The following KANSL3 variants were observed in gnomAD, a reference collection of about 807,000 sequenced individuals.
The protein encoded by KANSL3 is NSL complex protein NSL3.
Under a neutral mutation model 89.2 loss-of-function variants are expected in KANSL3, and 16 were observed. The observed-to-expected ratio is 0.18, with a 90% CI of 0.12 to 0.27. The LOEUF (loss-of-function observed/expected upper bound fraction) is 0.27. Among genes scored for constraint, KANSL3 ranks in the 10% least tolerant of loss-of-function variants. The pLI is 1.00. For synonymous variants in KANSL3, 385 were observed against 419.7 expected, an observed-to-expected ratio of 0.92 and a Z score of 1.01; for missense variants, 879 against 1,110.6, an observed-to-expected ratio of 0.79 and a Z score of 2.96.
At chr2:96,596,306 C>T (rs1382790547) in intron 20 of KANSL3, among the ~76,000 whole-genome samples, 1 of 152,214 alleles carries the variant, frequency 6.6e-6, no homozygotes, top group Admixed American at 6.5e-5. Flanking sequence ...GCCTATAATC[C>T]CAACACTTTG....
At chr2:96,595,718 C>T (rs1360526086) in intron 20 of KANSL3, 87 bp from the exon 21 acceptor site, 1 of 1,410,588 alleles carries the variant, frequency 7.1e-7, no homozygotes, top group Non-Finnish European at 9.8e-7. Flanking sequence ...ATCCCAACTC[C>T]TGAGAATTTA....
At chr2:96,588,260 A>C (rs902860968), downstream of KANSL3, among the ~76,000 whole-genome samples, 2 of 152,198 alleles carry the variant, frequency 1.3e-5, no homozygotes, top group Non-Finnish European at 2.9e-5. Flanking sequence ...CAAAGAAACA[A>C]CACCTTATCT....
Position 96,609,580 on chromosome 2 carries a change from T to A in KANSL3, c.1320-18A>T. On this transcript the variant is annotated intron_variant, in intron 11 of 20. Coordinates refer to ENST00000431828, the MANE Select transcript of KANSL3 (RefSeq NM_001115016.3). ...TGCTTATTCTAAGAAACAAAAAGGA[T>A]GACATGTTTACTTCTTACACATTGC... is the stretch of plus-strand genomic sequence containing the variant. The A allele has an allele frequency of 6.2e-7, 1 of 1,604,628 alleles. No individual in the cohort carries two copies. Among genetic ancestry groups the A allele is most frequent in the Non-Finnish European group, 8.5e-7 (1 of 1,171,346 alleles).
chr2:96,600,225 TAAATA>T (rs1272105459), intron 20 of KANSL3, among the ~76,000 whole-genome samples: 2 of 152,038 alleles, frequency 1.3e-5, no homozygotes, highest in African/African-American at 4.8e-5. Flanking sequence ...TTGTACAAAA[TAAATA>T]AAATAACATA....
intron 2 of KANSL3, chr2:96,634,182 G>A (rs2106254031): frequency 6.6e-6 from 1 of 152,332 alleles, no homozygotes; most frequent in South Asian, 2.1e-4. Flanking sequence ...ACAGAGCCTA[G>A]AACAGAAACA....
rs540948061 is a variant in KANSL3 at position 96,613,765 on chromosome 2, T to C, written c.664-146A>G. On this transcript the variant is annotated intron_variant, in intron 5 of 20. Coordinates refer to ENST00000431828, the MANE Select transcript of KANSL3 (RefSeq NM_001115016.3). ...GAAAACCTCCTAAGGATCAAGAATA[T>C]ATATAAATAAGCGGGTGAAAAGTAT... is the stretch of plus-strand genomic sequence containing the variant. 70 of 629,484 alleles carry C rather than the reference T, an allele frequency of 1.1e-4. 2 individuals carry two copies. In the South Asian group the frequency reaches 1.2e-3, roughly 10 times the overall value. The allele number at this position is 629,484 out of a possible 1,614,324, so 39.0% of individuals were successfully genotyped here.
chr2:96,637,298 T>C, intron 1 of KANSL3, 113 bp from the exon 2 acceptor site: 2 of 561,972 alleles, frequency 3.6e-6, no homozygotes, highest in Middle Eastern at 4.7e-4. Context: ...TGAGTATCCA[T>C]TTCACGGCAG....
intron 20 of KANSL3, among the ~76,000 whole-genome samples, chr2:96,598,966 A>G (rs1203435682): frequency 6.6e-6 from 1 of 150,526 alleles, no homozygotes; most frequent in Admixed American, 6.6e-5. Context: ...ATTTCATGTG[A>G]TTCTAAAAGA....
At chr2:96,615,165 C>CAAAAAAAAAAAAAAAAAAAAAAA (rs35960339) in intron 5 of KANSL3, 25 of 83,008 alleles carry the variant, frequency 3.0e-4, no homozygotes, top group African/African-American at 1.5e-3. Flanking sequence ...GAGACTGTCT[C>CAAAAAAAAAAAAAAAAAAAAAAA]AAAAAAAAAA....
chr2:96,624,849 T>C (rs2072005008), intron 3 of KANSL3, among the ~76,000 whole-genome samples: 1 of 152,064 alleles, frequency 6.6e-6, no homozygotes, highest in Non-Finnish European at 1.5e-5. Flanking sequence ...TATATACTCA[T>C]ACAAGTATCT....
chr2:96,637,359 G>C, intron 1 of KANSL3, 174 bp from the exon 2 acceptor site: 5 of 429,300 alleles, frequency 1.2e-5, no homozygotes, highest in Non-Finnish European at 8.3e-6. Context: ...CAAAAAAAAA[G>C]AAAAAAAAAA....
At chr2:96,586,523 C>T in the KANSL3 span, among the ~76,000 whole-genome samples, 1 of 152,190 alleles carries the variant, frequency 6.6e-6, no homozygotes, top group Admixed American at 6.5e-5. Flanking sequence ...CAAACTGAGG[C>T]CTTTCAATTT....
chr2:96,603,074 G>A (rs1311150713), intron 17 of KANSL3, among the ~76,000 whole-genome samples: 1 of 152,110 alleles, frequency 6.6e-6, no homozygotes, highest in Non-Finnish European at 1.5e-5. Flanking sequence ...ACACTGCCCC[G>A]GACTTGCTCT....
At position 96,612,485 on chromosome 2, in the gene KANSL3, C is replaced by T. The variant is rs754136970; in HGVS notation, c.991G>A (p.Ala331Thr). Reference sequence around the variant, plus strand: ...ACCTCCAGCACTTTGCTTCTCACTGCCCCAATCATATGCTCGAGACACTGT... The same window carrying T: ...ACCTCCAGCACTTTGCTTCTCACTGTCCCAATCATATGCTCGAGACACTGT... The part of the protein sequence containing the change: ...VLQCLEHMIG[A>T]VRSKVLEIHS... Residue 331 changes from alanine (A) to threonine (T), a missense_variant, in exon 8 of 21, where the codon GCA becomes ACA. By Grantham distance (58) the Ala-to-Thr change is moderately conservative. Coordinates refer to ENST00000431828, the MANE Select transcript of KANSL3 (RefSeq NM_001115016.3). 2.1e-5 allele frequency: 34 copies of T among 1,613,768 alleles called. 1 individual carries two copies. The highest frequency in any genetic ancestry group is 6.7e-5 in the East Asian group (3 of 44,892).
At chr2:96,628,341 A>AT (rs1176620998) in intron 3 of KANSL3, 4 of 710,448 alleles carry the variant, frequency 5.6e-6, no homozygotes, top group Non-Finnish European at 5.2e-6. Context: ...CTTTGCAGTT[A>AT]TATCTCTCCT....
chr2:96,587,768 A>G, the KANSL3 span, among the ~76,000 whole-genome samples: 3,071 of 152,350 alleles, frequency 0.02, 113 homozygotes, highest in African/African-American at 0.068. Context: ...GCAATGAGCA[A>G]TATCACACTA....
chr2:96,607,130 G>T, intron 14 of KANSL3: 1 of 884,246 alleles, frequency 1.1e-6, no homozygotes, highest in Non-Finnish European at 1.6e-6. Flanking sequence ...AAAGGTTGTA[G>T]AAAATGGCCA....
At chr2:96,622,980 A>G (rs1004131242) in intron 3 of KANSL3, among the ~76,000 whole-genome samples, 2 of 152,216 alleles carry the variant, frequency 1.3e-5, no homozygotes, top group Admixed American at 6.5e-5. Context: ...AGGATTCACT[A>G]AACTGCTTTC....
At position 96,612,339 on chromosome 2, in the gene KANSL3, G is replaced by A; in HGVS notation, c.1029C>T (p.Phe343=). ...CAATCAAGATAATGGGTTTGTGTGG[G>A]AAATGGCTGTGAATCTTCATGGGAA... The part of the protein sequence containing the change: ...RSKVLEIHSH[F]PHKPIILIGW... Residue 343 remains phenylalanine, a synonymous_variant, in exon 9 of 21, where the codon TTC becomes TTT. Transcript: ENST00000431828. The A allele has an allele frequency of 6.2e-7, 1 of 1,613,666 alleles. No homozygotes were observed. Among genetic ancestry groups the A allele is most frequent in the Admixed American group, 1.7e-5 (1 of 60,016 alleles).
Sources: gnomAD v4.1 joint callset for allele counts (sites outside exome capture counted in the v4.1 genomes callset) on GRCh38, gnomAD v4.1.1 for gene constraint, MANE v1.5 for transcripts, NCBI Gene and HGNC (gene_info 2026-07-23, HGNC 2026-07-21) for gene names.